The following SLITRK6 variants were observed in gnomAD, a reference collection of about 807,000 sequenced individuals.
SLITRK6 encodes the protein SLIT and NTRK like family member 6, also known as SLIT and NTRK-like protein 6.
Under a neutral mutation model 55.6 loss-of-function variants are expected in SLITRK6, and 35 were observed. That is an observed-to-expected ratio of 0.63 (90% CI 0.48 to 0.83). The LOEUF is 0.83. Among genes scored for constraint, SLITRK6 ranks in the 40% least tolerant of loss-of-function variants. The probability of loss-of-function intolerance (pLI) is 0.00; values close to 1 mark genes in which losing one functional copy is unlikely to be tolerated. For synonymous variants in SLITRK6, 392 were observed against 359.6 expected (o/e 1.09, Z -1.02); for missense variants, 977 against 986.4 (o/e 0.99, Z 0.13).
In SLITRK6 at chr13:85,796,487, A is replaced by C; in HGVS notation, c.22T>G (p.Phe8Val). ...ATACAGGCAAGGAGAGATGAATAAAAGAGATGAATCCACAGCTTCATGTTG... is the reference window on the plus strand; with the variant it reads ...ATACAGGCAAGGAGAGATGAATAAACGAGATGAATCCACAGCTTCATGTTG... MKLWIHL[F>V]YSSLLACISL... Residue 8 changes from phenylalanine (F) to valine (V), a missense_variant, in exon 2 of 2, where the codon TTT becomes GTT. Transcript: ENST00000647374. The C allele has an allele frequency of 6.4e-7, 1 of 1,554,216 alleles. No individual in the cohort carries two copies. Among genetic ancestry groups the C allele is most frequent in the South Asian group, 1.2e-5 (1 of 80,854 alleles).
rs1182470916 is a variant in SLITRK6, at chr13:85,794,877, G to A, written c.1632C>T (p.Ile544=). ...KLSKNTVTDD[I]LCTSPGHLDK... ...CGAGATGCCCGGGGGAAGTGCAGAGGATGTCATCTGTCACTGTGTTCTTGC... is the reference window on the plus strand; with the variant it reads ...CGAGATGCCCGGGGGAAGTGCAGAGAATGTCATCTGTCACTGTGTTCTTGC... The change falls in exon 2 of 2, where the codon ATC becomes ATT. Residue 544 remains isoleucine (I), a synonymous_variant. Transcript: ENST00000647374. The A allele has an allele frequency of 1.2e-6, 2 of 1,612,980 alleles. No individual in the cohort carries two copies. Among genetic ancestry groups the A allele is most frequent in the Non-Finnish European group, 1.7e-6 (2 of 1,179,506 alleles).
Position 85,794,499 on chromosome 13 carries a change from A to G in SLITRK6, c.2010T>C (p.Thr670=), listed in dbSNP as rs1169516352. 3.1e-6 allele frequency: 5 copies of G among 1,613,304 alleles called. No individual in the cohort carries two copies. The highest frequency in any genetic ancestry group is 1.7e-5 in the Admixed American group (1 of 59,856). ...MYGHKTTHHT[T]ERPSASLYEQ... ...CATAGAGTGAGGCAGAGGGTCTTTC[A>G]GTAGTGTGATGAGTGGTTTTATGGC... Residue 670 remains threonine (T), a synonymous_variant, in exon 2 of 2, where the codon ACT becomes ACC. Coordinates refer to ENST00000647374, the MANE Select transcript of SLITRK6 (RefSeq NM_032229.3).
At position 85,796,343 on chromosome 13, in the gene SLITRK6, C is replaced by T. The variant is rs1224124225; in HGVS notation, c.166G>A (p.Val56Ile). Residue 56 changes from valine to isoleucine, a missense_variant, in exon 2 of 2, where the codon GTA becomes ATA. Val to Ile is a conservative substitution (Grantham distance 29). Transcript: ENST00000647374. ...INCEAKGIKM[V>I]SEISVPPSRP... is the part of the protein sequence containing the mutation. ...GATGGTGGCACACTTATTTCAGATA[C>T]CATCTTGATACCTTTTGCTTCACAA... 1.9e-6 allele frequency: 3 copies of T among 1,612,294 alleles called. No individual in the cohort carries two copies. Among genetic ancestry groups the T allele is most frequent in the East Asian group, 2.2e-5 (1 of 44,832 alleles).
rs1339585785 is a variant in SLITRK6 at position 85,794,163 on chromosome 13, G to A, written c.2346C>T (p.Leu782=). The change falls in exon 2 of 2, where the codon CTC becomes CTT. Residue 782 remains leucine (L), a synonymous_variant. Coordinates refer to ENST00000647374, the MANE Select transcript of SLITRK6 (RefSeq NM_032229.3). ...GATAATGTGCCTCCATATCAGGCTGGAGCTGAGCAATGTTTTTCCTTAGGT... is the reference window on the plus strand; with the variant it reads ...GATAATGTGCCTCCATATCAGGCTGAAGCTGAGCAATGTTTTTCCTTAGGT... ...TEYLRKNIAQ[L]QPDMEAHYPG... is the part of the protein sequence containing the mutation. The A allele has an allele frequency of 6.2e-7, 1 of 1,612,956 alleles. No homozygotes were observed. Among genetic ancestry groups the A allele is most frequent in the Non-Finnish European group, 8.5e-7 (1 of 1,179,428 alleles).
chr13:85,794,121 C>A lies in SLITRK6; in HGVS notation c.2388G>T (p.Glu796Asp). 1.2e-6 allele frequency: 2 copies of A among 1,613,090 alleles called. No individual in the cohort carries two copies. The change falls in exon 2 of 2, where the codon GAG (glutamate) becomes GAT (aspartate). Residue 796 changes from glutamate to aspartate, a missense_variant. Glu to Asp is a conservative substitution (Grantham distance 45). Coordinates refer to ENST00000647374, the MANE Select transcript of SLITRK6 (RefSeq NM_032229.3). ...ACATTAATGTTTCCATTAACTTCAG[C>A]TCTTCGTGGGCTCCAGGATAATGTG... ...MEAHYPGAHEELKLMETLMYS... is the reference protein window; with the variant it reads ...MEAHYPGAHEDLKLMETLMYS...
chr13:85,794,801 C>T lies in SLITRK6; in HGVS notation c.1708G>A (p.Val570Ile), dbSNP rs779424477. The change falls in exon 2 of 2, where the codon GTA becomes ATA. Residue 570 changes from valine (V) to isoleucine (I), a missense_variant. Val to Ile is a conservative substitution (Grantham distance 29). Transcript: ENST00000647374. ...LNSEILCPGLVNNPSMPTQTS... is the reference protein window; with the variant it reads ...LNSEILCPGLINNPSMPTQTS... ...TGTGTTGGCATGGATGGGTTATTTA[C>T]TAAACCTGGACAGAGAATTTCACTA... 8 of 1,613,094 alleles carry T rather than the reference C, an allele frequency of 5.0e-6. No individual in the cohort carries two copies. In the African/African-American group the frequency reaches 6.7e-5, roughly 13 times the overall value.
Position 85,793,821 on chromosome 13 carries a change from C to A in SLITRK6, c.*162G>T. Reference sequence around the variant, plus strand: ...CTGAAGATAATGCCATGGCTTCTCCCAGTGATCCCTGAGTTTCTTTTTCTT... The same window carrying A: ...CTGAAGATAATGCCATGGCTTCTCCAAGTGATCCCTGAGTTTCTTTTTCTT... On this transcript the variant is annotated 3_prime_UTR_variant, in exon 2 of 2. Coordinates refer to ENST00000647374, the MANE Select transcript of SLITRK6 (RefSeq NM_032229.3). 1.4e-6 allele frequency: 1 copy of A among 714,352 alleles called. No homozygotes were observed. Among genetic ancestry groups the A allele is most frequent in the Non-Finnish European group, 2.1e-6 (1 of 472,648 alleles). The allele number at this position is 714,352 out of a possible 1,614,324, so 44.3% of individuals were successfully genotyped here.
At chr13:85,798,436 C>A (rs117278289) in intron 1 of SLITRK6, among the ~76,000 whole-genome samples, 11 of 152,078 alleles carry the variant, frequency 7.2e-5, no homozygotes, top group Non-Finnish European at 1.6e-4. Flanking sequence ...CAGAAACACA[C>A]ACAGATGTGA....
rs1158099046 is a variant in SLITRK6 at position 85,793,315 on chromosome 13, A to C, written c.*668T>G. ...TGTAGAAAACCCAAAAAGTATGCTT[A>C]TTTCTTCCACCTGAACTATTAATCA... On this transcript the variant is annotated 3_prime_UTR_variant, in exon 2 of 2. Coordinates refer to ENST00000647374, the MANE Select transcript of SLITRK6 (RefSeq NM_032229.3). The C allele has an allele frequency of 6.6e-6, 1 of 152,180 alleles. No individual in the cohort carries two copies. Among genetic ancestry groups the C allele is most frequent in the African/African-American group, 2.4e-5 (1 of 41,408 alleles). The allele number at this position is 152,180 out of a possible 1,614,324, so 9.4% of individuals were successfully genotyped here. A position where few individuals can be genotyped will look rare whatever the true frequency, so the allele number is the denominator to read the frequency against.
At position 85,795,602 on chromosome 13, in the gene SLITRK6, T is replaced by A. The variant is rs780246142; in HGVS notation, c.907A>T (p.Ile303Phe). 1 of 1,612,892 alleles carries A rather than the reference T, an allele frequency of 6.2e-7. No homozygotes were observed. Residue 303 changes from isoleucine to phenylalanine, a missense_variant, in exon 2 of 2, where the codon ATT (isoleucine) becomes TTT (phenylalanine). Physicochemically the swap from Ile to Phe is conservative, Grantham distance 21 (BLOSUM62 0). Transcript: ENST00000647374. ...DSRMSTKTTS[I>F]LKLPTKAPGL... ...GGTGCTTTGGTGGGTAGTTTTAGAA[T>A]GGACGTGGTCTTAGTTGACATGCGA...
At position 85,795,138 on chromosome 13, in the gene SLITRK6, T is replaced by C; in HGVS notation, c.1371A>G (p.Pro457=). 2 of 1,612,958 alleles carry C rather than the reference T, an allele frequency of 1.2e-6. No individual in the cohort carries two copies. Among genetic ancestry groups the C allele is most frequent in the Admixed American group, 1.7e-5 (1 of 59,808 alleles). The stretch of plus-strand genomic sequence containing the variant: ...AATACAGGACTTTAAGTTTAGGCAT[T>C]GGATTAAAGGTTCCTGGCAGTATTT... ...IKEILPGTFN[P]MPKLKVLYLN... Residue 457 remains proline, a synonymous_variant, in exon 2 of 2, where the codon CCA becomes CCG. Transcript: ENST00000647374.
chr13:85,793,958 C>G lies in SLITRK6; in HGVS notation c.*25G>C. The G allele has an allele frequency of 6.4e-7, 1 of 1,556,282 alleles. No homozygotes were observed. Among genetic ancestry groups the G allele is most frequent in the Non-Finnish European group, 8.7e-7 (1 of 1,154,902 alleles). On this transcript the variant is annotated 3_prime_UTR_variant, in exon 2 of 2. Transcript: ENST00000647374. Reference sequence around the variant, plus strand: ...GACTTAAAACAGAATCACAGCATTTCTGCGAAAGCCCTCAAACTCTCCATC... The same window carrying G: ...GACTTAAAACAGAATCACAGCATTTGTGCGAAAGCCCTCAAACTCTCCATC...
rs370189442 is a variant in SLITRK6, at chr13:85,795,391, T to C, written c.1118A>G (p.Asn373Ser). The change falls in exon 2 of 2, where the codon AAT becomes AGT. Residue 373 changes from asparagine (N) to serine (S), a missense_variant. Transcript: ENST00000647374. ...AGACTTCATTAAACTGTGAATAATA[T>C]TTCCCGCTAGAATGAGCTTTCTAGG... ...QNPRKLILAG[N>S]IIHSLMKSDL... is the part of the protein sequence containing the mutation. 56 of 1,612,682 alleles carry C rather than the reference T, an allele frequency of 3.5e-5. No homozygotes were observed. Among genetic ancestry groups the C allele is most frequent in the Admixed American group, 1.7e-4 (10 of 59,750 alleles).
In SLITRK6 at chr13:85,796,379, T is replaced by A. The variant is rs759501092; in HGVS notation, c.130A>T (p.Met44Leu). ...CCTTTTGCTTCACAATTTATTAGCATTGTGCCATCTTTTTCCTCACAATTG... is the reference window on the plus strand; with the variant it reads ...CCTTTTGCTTCACAATTTATTAGCAATGTGCCATCTTTTTCCTCACAATTG... ...LCNCEEKDGT[M>L]LINCEAKGIK... Residue 44 changes from methionine to leucine, a missense_variant, in exon 2 of 2, where the codon ATG becomes TTG. Coordinates refer to ENST00000647374, the MANE Select transcript of SLITRK6 (RefSeq NM_032229.3). 6.2e-7 allele frequency: 1 copy of A among 1,612,720 alleles called. No homozygotes were observed. Among genetic ancestry groups the A allele is most frequent in the East Asian group, 2.2e-5 (1 of 44,826 alleles).
rs9602840 is a variant in SLITRK6, at chr13:85,797,602, G to A, written c.-24-1070C>T. Among the ~76,000 whole-genome samples the A allele has an allele frequency of 4.6e-3, 700 of 151,704 alleles. 11 individuals are homozygous for A. Among genetic ancestry groups the A allele is most frequent in the African/African-American group, 0.015 (630 of 41,442 alleles). Reference sequence around the variant, plus strand: ...AGCCTTTATTAAAAGGCTTAAAGTCGCAAACAATGAAATCTGAAACAAACT... The same window carrying A: ...AGCCTTTATTAAAAGGCTTAAAGTCACAAACAATGAAATCTGAAACAAACT... On this transcript the variant is annotated intron_variant, in intron 1 of 1. Coordinates refer to ENST00000647374, the MANE Select transcript of SLITRK6 (RefSeq NM_032229.3).
At position 85,795,803 on chromosome 13, in the gene SLITRK6, T is replaced by A. The variant is rs754245845; in HGVS notation, c.706A>T (p.Met236Leu). Reference sequence around the variant, plus strand: ...TCACCAATTATAGACTGTGGAGGCATGTTCTCCAACCAAGTTTTTAACTGC... The same window carrying A: ...TCACCAATTATAGACTGTGGAGGCAAGTTCTCCAACCAAGTTTTTAACTGC... ...LLQLKTWLEN[M>L]PPQSIIGDVV... Residue 236 changes from methionine (M) to leucine (L), a missense_variant, in exon 2 of 2, where the codon ATG becomes TTG. By Grantham distance (15) the Met-to-Leu change is conservative. Transcript: ENST00000647374. 6 of 1,612,990 alleles carry A rather than the reference T, an allele frequency of 3.7e-6. No individual in the cohort carries two copies. In the Admixed American group the frequency reaches 8.4e-5, roughly 22 times the overall value.
chr13:85,798,272 A>G (rs117935249), intron 1 of SLITRK6, among the ~76,000 whole-genome samples: 3 of 152,024 alleles, frequency 2.0e-5, no homozygotes, highest in Non-Finnish European at 4.4e-5. Context: ...GTACTTATTC[A>G]TAAATTACCA....
Position 85,794,807 on chromosome 13 carries a change from C to A in SLITRK6, c.1702G>T (p.Gly568Cys). The change falls in exon 2 of 2, where the codon GGT becomes TGT. Residue 568 changes from glycine to cysteine, a missense_variant. Transcript: ENST00000647374. The part of the protein sequence containing the change: ...KALNSEILCP[G>C]LVNNPSMPTQ... ...GGCATGGATGGGTTATTTACTAAAC[C>A]TGGACAGAGAATTTCACTATTTAGG... is the stretch of plus-strand genomic sequence containing the variant. 6.2e-7 allele frequency: 1 copy of A among 1,613,156 alleles called. No individual in the cohort carries two copies. Among genetic ancestry groups the A allele is most frequent in the Non-Finnish European group, 8.5e-7 (1 of 1,179,536 alleles).
In SLITRK6 at chr13:85,795,512, A is replaced by G; in HGVS notation, c.997T>C (p.Cys333Arg). The G allele has an allele frequency of 6.2e-7, 1 of 1,612,996 alleles. No homozygotes were observed. Among genetic ancestry groups the G allele is most frequent in the African/African-American group, 1.3e-5 (1 of 74,950 alleles). The change falls in exon 2 of 2, where the codon TGT becomes CGT. Residue 333 changes from cysteine (C) to arginine (R), a missense_variant. Physicochemically the swap from Cys to Arg is radical, Grantham distance 180. Coordinates refer to ENST00000647374, the MANE Select transcript of SLITRK6 (RefSeq NM_032229.3). ...GATGGGGATAGGACTTTGCAGTTACAAGGAATAGGGCAGTAAGGTCCTGGA... is the reference window on the plus strand; with the variant it reads ...GATGGGGATAGGACTTTGCAGTTACGAGGAATAGGGCAGTAAGGTCCTGGA... Reference protein sequence around the residue: ...QLPGPYCPIPCNCKVLSPSGL... With the variant: ...QLPGPYCPIPRNCKVLSPSGL...
Sources: gnomAD v4.1 joint callset for allele counts (sites outside exome capture counted in the v4.1 genomes callset) on GRCh38, gnomAD v4.1.1 for gene constraint, MANE v1.5 for transcripts, NCBI Gene and HGNC (gene_info 2026-07-23, HGNC 2026-07-21) for gene names.